The following TNFAIP8 variants were observed in gnomAD, a reference collection of about 807,000 sequenced individuals.
The protein encoded by TNFAIP8 is TNF alpha induced protein 8.
Under a neutral mutation model 13.3 loss-of-function variants are expected in TNFAIP8, and 7 were observed. That is an observed-to-expected ratio of 0.52 (90% CI 0.30 to 0.99). The LOEUF (loss-of-function observed/expected upper bound fraction) is 0.99, where lower values mean the gene tolerates loss of function less well. TNFAIP8 is among the 50% of genes least tolerant of loss of function. TNFAIP8 has a pLI of 0.07. For synonymous variants in TNFAIP8, 94 were observed against 87.6 expected (o/e 1.07, Z -0.41); for missense variants, 258 against 236.9 (o/e 1.09, Z -0.58).
At chr5:119,308,866 AAAAAAAAAG>A (rs1749646265) in intron 1 of TNFAIP8, among the ~76,000 whole-genome samples, 1 of 151,988 alleles carries the variant, frequency 6.6e-6, no homozygotes, top group Non-Finnish European at 1.5e-5. Flanking sequence ...AAAAAAAAAA[AAAAAAAAAG>A]ACCATTCTGA....
chr5:119,314,374 G>T (rs1749823392), intron 1 of TNFAIP8, among the ~76,000 whole-genome samples: 1 of 152,130 alleles, frequency 6.6e-6, no homozygotes, highest in South Asian at 2.1e-4. Flanking sequence ...GGTTTTCCCG[G>T]ATATGTTCAT....
chr5:119,300,621 A>C (rs1473904762), intron 1 of TNFAIP8, among the ~76,000 whole-genome samples: 3 of 152,132 alleles, frequency 2.0e-5, no homozygotes, highest in African/African-American at 7.2e-5. Flanking sequence ...CATAATTAAC[A>C]TTCTTAAAAA....
At chr5:119,315,078 T>C (rs1379956879) in intron 1 of TNFAIP8, among the ~76,000 whole-genome samples, 1 of 151,882 alleles carries the variant, frequency 6.6e-6, no homozygotes, top group Non-Finnish European at 1.5e-5. Flanking sequence ...TTTTGTTTTG[T>C]TTTGTTTTGT....
intron 1 of TNFAIP8, chr5:119,269,021 G>C (rs2150796253): frequency 3.3e-6 from 2 of 598,626 alleles, no homozygotes; most frequent in East Asian, 3.0e-5. Context: ...TCTGAAGCGA[G>C]TGTGAGTGAG....
intron 1 of TNFAIP8, among the ~76,000 whole-genome samples, chr5:119,382,416 C>G (rs1323041325): frequency 2.0e-5 from 3 of 152,208 alleles, no homozygotes; most frequent in Non-Finnish European, 4.4e-5. Flanking sequence ...ATACATTATA[C>G]ACACTCAACA....
At chr5:119,299,316 C>T (rs1749282983) in intron 1 of TNFAIP8, among the ~76,000 whole-genome samples, 1 of 152,116 alleles carries the variant, frequency 6.6e-6, no homozygotes, top group Non-Finnish European at 1.5e-5. Context: ...TGTTAGTTTT[C>T]CTTCTAACAG....
At chr5:119,323,032 A>G (rs996276016) in intron 1 of TNFAIP8, among the ~76,000 whole-genome samples, 3 of 152,290 alleles carry the variant, frequency 2.0e-5, no homozygotes, top group Non-Finnish European at 2.9e-5. Context: ...CCTATGCCCA[A>G]TCAGTTGTCA....
intron 1 of TNFAIP8, among the ~76,000 whole-genome samples, chr5:119,272,882 G>A (rs542665814): frequency 1.3e-5 from 2 of 152,314 alleles, no homozygotes; most frequent in South Asian, 4.1e-4. Context: ...GTGACGGGGG[G>A]CTAGGTGTAC....
intron 1 of TNFAIP8, among the ~76,000 whole-genome samples, chr5:119,317,287 A>C (rs947228284): frequency 6.6e-6 from 1 of 152,188 alleles, no homozygotes. Context: ...AATAGAAATT[A>C]GCCAAAATAA....
In TNFAIP8 at chr5:119,280,575, A is replaced by G. The variant is rs140004045; in HGVS notation, c.1+11668A>G. Among the ~76,000 whole-genome samples the G allele has an allele frequency of 5.6e-3, 856 of 152,228 alleles. 7 individuals carry two copies. The highest frequency in any genetic ancestry group is 0.036 in the East Asian group (189 of 5,182). On this transcript the variant is annotated intron_variant, in intron 1 of 1. Transcript: ENST00000274456. ...AGATTCAGGTCTCATCCCTTTGGCA[A>G]GATTACAGATGGTGGTGTATTCTTT...
At chr5:119,314,092 G>C (rs901348830) in intron 1 of TNFAIP8, among the ~76,000 whole-genome samples, 1 of 152,160 alleles carries the variant, frequency 6.6e-6, no homozygotes, top group Admixed American at 6.5e-5. Context: ...CCAGCTACTT[G>C]GGTGGCTGAG....
At chr5:119,365,853 CAA>C (rs1190158548) in intron 1 of TNFAIP8, among the ~76,000 whole-genome samples, 1 of 152,144 alleles carries the variant, frequency 6.6e-6, no homozygotes, top group East Asian at 1.9e-4. Context: ...GGAAATCTCT[CAA>C]GAGAGTTTTC....
intron 1 of TNFAIP8, among the ~76,000 whole-genome samples, chr5:119,368,754 T>A (rs1454565346): frequency 6.6e-6 from 1 of 152,180 alleles, no homozygotes; most frequent in Non-Finnish European, 1.5e-5. Flanking sequence ...CAACTAAATT[T>A]CATTTGCCAA....
At chr5:119,295,608 T>C (rs10463467) in intron 1 of TNFAIP8, among the ~76,000 whole-genome samples, 116,677 of 151,864 alleles carry the variant, frequency 0.77, 46,584 homozygotes, top group East Asian at 0.95. Flanking sequence ...GACTTGGCTA[T>C]GCGGGCTCTT....
chr5:119,302,117 A>C (rs13172935), intron 1 of TNFAIP8, among the ~76,000 whole-genome samples: 1 of 152,130 alleles, frequency 6.6e-6, no homozygotes, highest in Admixed American at 6.5e-5. Context: ...GATATTTTGA[A>C]TCATAGGACC....
At chr5:119,378,806 G>C (rs1554182634) in intron 1 of TNFAIP8, among the ~76,000 whole-genome samples, 1 of 152,184 alleles carries the variant, frequency 6.6e-6, no homozygotes, top group Non-Finnish European at 1.5e-5. Context: ...GGGCGCAGTG[G>C]TTCACGCCTG....
chr5:119,302,298 C>T (rs1267393850), intron 1 of TNFAIP8, among the ~76,000 whole-genome samples: 5 of 152,210 alleles, frequency 3.3e-5, no homozygotes, highest in African/African-American at 1.2e-4. Flanking sequence ...AAGAAACTTA[C>T]ATTCCAAGAG....
chr5:119,373,098 C>T (rs55810648), intron 1 of TNFAIP8, among the ~76,000 whole-genome samples: 23 of 152,136 alleles, frequency 1.5e-4, no homozygotes, highest in Non-Finnish European at 2.8e-4. Flanking sequence ...CACCTGAAGT[C>T]ATTACAGAAG....
chr5:119,316,712 T>C (rs1749905680), intron 1 of TNFAIP8, among the ~76,000 whole-genome samples: 1 of 152,190 alleles, frequency 6.6e-6, no homozygotes, highest in Admixed American at 6.5e-5. Context: ...GACTCAGGTA[T>C]CAGTATTTTT....
Sources: gnomAD v4.1 joint callset for allele counts (sites outside exome capture counted in the v4.1 genomes callset) on GRCh38, gnomAD v4.1.1 for gene constraint, MANE v1.5 for transcripts, NCBI Gene and HGNC (gene_info 2026-07-23, HGNC 2026-07-21) for gene names.